Variants in HEPHL1 observed in about 807,000 individuals in gnomAD.
The protein encoded by HEPHL1 is hephaestin like 1.
A neutral mutation model predicts 122.0 loss-of-function variants in HEPHL1; 123 were observed. The ratio of observed to expected loss-of-function variants is 1.01; its 90% CI spans 0.87 to 1.17. HEPHL1 has a LOEUF of 1.17. HEPHL1 is among the 50% of genes most tolerant of loss of function. The pLI, the probability that HEPHL1 is intolerant of heterozygous loss-of-function variation, is 0.00. For missense variants in HEPHL1, 1,452 were observed against 1,430.5 expected (o/e 1.01, Z -0.24); for synonymous variants, 527 against 508.9 (o/e 1.04, Z -0.48).
At chr11:94,043,159 A>G (rs536055994) in intron 1 of HEPHL1, among the ~76,000 whole-genome samples, 13 of 152,328 alleles carry the variant, frequency 8.5e-5, no homozygotes, top group African/African-American at 3.1e-4. Flanking sequence ...CAATAAAATA[A>G]AAACAGAAAA....
intron 2 of HEPHL1, among the ~76,000 whole-genome samples, chr11:94,048,119 A>G (rs1441516271): frequency 6.6e-6 from 1 of 152,182 alleles, no homozygotes; most frequent in Non-Finnish European, 1.5e-5. Flanking sequence ...TTCACTTAGC[A>G]TAATATTTTC....
chr11:94,053,986 C>T (rs191686205), intron 2 of HEPHL1, among the ~76,000 whole-genome samples: 2 of 152,272 alleles, frequency 1.3e-5, no homozygotes, highest in Non-Finnish European at 2.9e-5. Flanking sequence ...TAGTATTGTT[C>T]AAGTCTCCTA....
intron 4 of HEPHL1, among the ~76,000 whole-genome samples, chr11:94,066,215 C>G (rs1946033347): frequency 6.6e-6 from 1 of 151,670 alleles, no homozygotes; most frequent in Non-Finnish European, 1.5e-5. Flanking sequence ...ACAAAAAACC[C>G]TAGCCTGTAT....
intron 1 of HEPHL1, among the ~76,000 whole-genome samples, chr11:94,031,030 T>C (rs187750887): frequency 2.0e-5 from 3 of 152,274 alleles, no homozygotes; most frequent in Non-Finnish European, 2.9e-5. Context: ...ACACCCTTTG[T>C]TGTGGCAGCT....
chr11:94,105,448 G>T (rs1211250721), intron 16 of HEPHL1, among the ~76,000 whole-genome samples: 2 of 152,198 alleles, frequency 1.3e-5, no homozygotes, highest in African/African-American at 4.8e-5. Context: ...AGAATCAAAA[G>T]TCAGTAGACA....
chr11:94,085,576 G>A (rs1007777160), intron 10 of HEPHL1, among the ~76,000 whole-genome samples: 1 of 152,204 alleles, frequency 6.6e-6, no homozygotes, highest in Admixed American at 6.5e-5. Context: ...ACTGGCAAAT[G>A]AGGGTCTTGT....
At chr11:94,087,000 C>T (rs1946224032) in intron 11 of HEPHL1, among the ~76,000 whole-genome samples, 1 of 152,320 alleles carries the variant, frequency 6.6e-6, no homozygotes, top group Non-Finnish European at 1.5e-5. Context: ...TTGCTTTCCA[C>T]TGGAACTGCA....
At position 94,036,804 on chromosome 11, in the gene HEPHL1, A is replaced by G. The variant is rs1297649876; in HGVS notation, c.171-8869A>G. ...CAGTGAGCCTAGATCGTGCCATTGC[A>G]CTCCAGCCTGGGCAACAGAGCAAGA... On this transcript the variant is annotated intron_variant, in intron 1 of 19. Transcript: ENST00000315765. 5.7e-5 allele frequency among the ~76,000 whole-genome samples: 8 copies of G among 141,084 alleles called. No homozygotes were observed. The East Asian group carries it at 1.7e-3, about 29-fold the overall frequency. The allele number at this position is 141,084 out of a possible 152,430, so 92.6% of individuals were successfully genotyped here.
At chr11:94,106,184 T>C (rs947297541) in intron 17 of HEPHL1, 54 bp downstream of exon 17, 2 of 1,377,328 alleles carry the variant, frequency 1.5e-6, no homozygotes, top group Non-Finnish European at 2.0e-6. Flanking sequence ...ACAAATTCAA[T>C]GTATTTCCAG....
intron 1 of HEPHL1, among the ~76,000 whole-genome samples, chr11:94,028,212 A>G (rs1220236299): frequency 2.0e-5 from 3 of 152,178 alleles, no homozygotes; most frequent in Non-Finnish European, 4.4e-5. Flanking sequence ...TTTGCTTCCC[A>G]ACTAGATGGT....
rs1297064896 is a variant in HEPHL1, at chr11:94,053,915, G to T, written c.415+7998G>T. On this transcript the variant is annotated intron_variant, in intron 2 of 19. Coordinates refer to ENST00000315765, the MANE Select transcript of HEPHL1 (RefSeq NM_001098672.2). The stretch of plus-strand genomic sequence containing the variant: ...ATCATCCATGTGCTCTGTAAAGAGG[G>T]TATATTCTACAGTTATTGGGTGCAA... Among the ~76,000 whole-genome samples the T allele has an allele frequency of 2.0e-5, 3 of 152,270 alleles. 1 individual carries two copies. Among genetic ancestry groups the T allele is most frequent in the South Asian group, 4.1e-4 (2 of 4,826 alleles).
At chr11:94,028,441 G>T (rs1438621482) in intron 1 of HEPHL1, among the ~76,000 whole-genome samples, 1 of 152,162 alleles carries the variant, frequency 6.6e-6, no homozygotes, top group Non-Finnish European at 1.5e-5. Context: ...GTACTGTGTA[G>T]GGGATTCCCA....
intron 4 of HEPHL1, among the ~76,000 whole-genome samples, chr11:94,065,413 C>A (rs1946025265): frequency 6.6e-6 from 1 of 152,146 alleles, no homozygotes; most frequent in Admixed American, 6.5e-5. Flanking sequence ...ATAATTAATG[C>A]CAGAGAGTTT....
chr11:94,094,010 ATAT>A (rs1565360558), intron 13 of HEPHL1, among the ~76,000 whole-genome samples: 20 of 123,512 alleles, frequency 1.6e-4, no homozygotes, highest in Non-Finnish European at 2.7e-4. Context: ...ATATATATAT[ATAT>A]AAAACTTTAA....
intron 9 of HEPHL1, among the ~76,000 whole-genome samples, chr11:94,076,194 C>T (rs541334389): frequency 2.0e-5 from 3 of 152,156 alleles, no homozygotes; most frequent in East Asian, 1.9e-4. Context: ...GGAACAATCC[C>T]GGAAATGTCT....
chr11:94,103,814 C>A (rs1703152444), intron 15 of HEPHL1, among the ~76,000 whole-genome samples: 2 of 152,118 alleles, frequency 1.3e-5, no homozygotes, highest in African/African-American at 4.8e-5. Flanking sequence ...CTGGACAGTT[C>A]TAGAGTTCAG....
intron 1 of HEPHL1, among the ~76,000 whole-genome samples, chr11:94,031,154 T>C (rs1171644871): frequency 3.9e-5 from 6 of 152,128 alleles, no homozygotes; most frequent in Non-Finnish European, 5.9e-5. Flanking sequence ...ATTGAATTTG[T>C]AGGTACAGAG....
chr11:94,054,730 G>A (rs1945921268), intron 2 of HEPHL1, among the ~76,000 whole-genome samples: 1 of 152,160 alleles, frequency 6.6e-6, no homozygotes, highest in Non-Finnish European at 1.5e-5. Flanking sequence ...TCTGCCAATT[G>A]CAGTACCTAG....
intron 1 of HEPHL1, among the ~76,000 whole-genome samples, chr11:94,027,926 C>T (rs1007419353): frequency 8.5e-5 from 13 of 152,252 alleles, no homozygotes; most frequent in Admixed American, 5.9e-4. Flanking sequence ...GTGCAATCTC[C>T]GTCTCCACCC....
Sources: allele counts gnomAD v4.1 joint callset (sites outside exome capture counted in the v4.1 genomes callset), GRCh38; gene constraint gnomAD v4.1.1; transcripts MANE v1.5; gene names NCBI Gene and HGNC (gene_info 2026-07-23, HGNC 2026-07-21).